The following SRR variants were observed in gnomAD, a reference collection of about 807,000 sequenced individuals.
The protein encoded by SRR is D-serine ammonia-lyase.
Under a neutral mutation model 32.7 loss-of-function variants are expected in SRR, and 19 were observed. That is an observed-to-expected ratio of 0.58 (90% CI 0.40 to 0.85). The LOEUF is 0.85. Among genes scored for constraint, SRR ranks in the 40% least tolerant of loss-of-function variants. SRR has a pLI of 0.00. For missense variants in SRR, 373 were observed against 404.7 expected (o/e 0.92, Z 0.67); for synonymous variants, 142 against 140.9 (o/e 1.01, Z -0.06).
At chr17:2,309,918 A>G (rs2075421451) in intron 1 of SRR, 1 of 152,198 alleles carries the variant, frequency 6.6e-6, no homozygotes, top group South Asian at 2.1e-4. Context: ...GTCAGCAGCC[A>G]CGTGTCAGTT....
chr17:2,306,510 A>C (rs1308496509), intron 1 of SRR, among the ~76,000 whole-genome samples: 1 of 152,134 alleles, frequency 6.6e-6, no homozygotes, highest in African/African-American at 2.4e-5. Context: ...TGAGGTCAGG[A>C]GTTCGAGACC....
chr17:2,322,489 A>C (rs889887292), intron 6 of SRR: 1 of 152,036 alleles, frequency 6.6e-6, no homozygotes, highest in Non-Finnish European at 1.5e-5. Context: ...GAAATGTATT[A>C]CTTATTGTGC....
intron 1 of SRR, 79 bp from the exon 2 acceptor site, chr17:2,315,478 T>C: frequency 7.2e-7 from 1 of 1,381,510 alleles, no homozygotes; most frequent in South Asian, 1.5e-5. Context: ...GTCTATTCTG[T>C]TACGTATTTT....
intron 4 of SRR, 87 bp from the exon 5 acceptor site, chr17:2,321,219 G>C (rs748784514): frequency 2.0e-6 from 3 of 1,500,252 alleles, no homozygotes; most frequent in Non-Finnish European, 2.7e-6. Flanking sequence ...AAAAGTAGAT[G>C]GTCAATAAAA....
intron 1 of SRR, among the ~76,000 whole-genome samples, chr17:2,313,205 G>A (rs2151431471): frequency 6.6e-6 from 1 of 152,258 alleles, no homozygotes; most frequent in South Asian, 2.1e-4. Flanking sequence ...TGAGCCAGGT[G>A]GATTGCCTGA....
rs767551917 is a variant in SRR at position 2,315,721 on chromosome 17, C to T, written c.161C>T (p.Ser54Phe). 2.5e-6 allele frequency: 4 copies of T among 1,613,432 alleles called. No homozygotes were observed. The South Asian group carries it at 4.4e-5, about 18-fold the overall frequency. ...TGTGAACTCTTCCAGAAAACAGGAT[C>T]TTTTAAGGTAACAATCCTTTTTCTC... The part of the protein sequence containing the change: ...FKCELFQKTG[S>F]FKIRGALNAV... Residue 54 changes from serine to phenylalanine, a missense_variant, in exon 2 of 8, where the codon TCT becomes TTT. Ser to Phe is a radical substitution (Grantham distance 155). Transcript: ENST00000344595.
intron 1 of SRR, 54 bp from the exon 2 acceptor site, chr17:2,315,503 T>C (rs545606615): frequency 6.5e-7 from 1 of 1,533,696 alleles, no homozygotes; most frequent in Non-Finnish European, 8.8e-7. Flanking sequence ...ATCTCTTCAA[T>C]AAACATACTG....
At chr17:2,316,770 T>C (rs1031190471) in intron 2 of SRR, among the ~76,000 whole-genome samples, 30 of 152,130 alleles carry the variant, frequency 2.0e-4, no homozygotes, top group African/African-American at 7.2e-4. Context: ...TGGAGTGCAG[T>C]GGCACGATCT....
At chr17:2,309,936 T>A (rs529640494) in intron 1 of SRR, 1 of 152,084 alleles carries the variant, frequency 6.6e-6, no homozygotes, top group Non-Finnish European at 1.5e-5. Flanking sequence ...GTTGGTTCCA[T>A]ATGGAACCAA....
rs1285152395 is a variant in SRR at position 2,321,163 on chromosome 17, ATATTT to A, written c.400-138_400-134del. 7 of 948,512 alleles carry A rather than the reference ATATTT, an allele frequency of 7.4e-6. No individual in the cohort carries two copies. The East Asian group carries it at 1.5e-4, about 20-fold the overall frequency. 58.8% of individuals were successfully genotyped at this position (948,512 alleles called of 1,614,324 possible). A position where few individuals can be genotyped will look rare whatever the true frequency, so the allele number is the denominator to read the frequency against. On this transcript the variant is annotated intron_variant, in intron 4 of 7. Coordinates refer to ENST00000344595, the MANE Select transcript of SRR (RefSeq NM_021947.3). ...CAATATAACGTGCTTGAGGGCAGGGATATTTTATTAACATATATATCTCTAGTACC... is the reference window on the plus strand; with the variant it reads ...CAATATAACGTGCTTGAGGGCAGGGATATTAACATATATATCTCTAGTACC...
At chr17:2,303,814 T>G, upstream of SRR, 3 of 969,086 alleles carry the variant, frequency 3.1e-6, no homozygotes, top group Non-Finnish European at 4.3e-6. Flanking sequence ...CTCGCCCACC[T>G]CCCGGCCTTT....
chr17:2,303,804 C>T (rs2075348253), upstream of SRR: 4 of 1,131,604 alleles, frequency 3.5e-6, no homozygotes, highest in Admixed American at 3.0e-5. Context: ...GGCGCGCGCG[C>T]TCGCCCACCT....
At chr17:2,306,890 T>A in intron 1 of SRR, 2 of 923,044 alleles carry the variant, frequency 2.2e-6, no homozygotes, top group Non-Finnish European at 3.5e-6. Flanking sequence ...GCGGACTGTG[T>A]GGTAATGAGA....
rs1455323737 is a variant in SRR, at chr17:2,318,010, C to T, written c.295+14C>T. The T allele has an allele frequency of 2.5e-6, 4 of 1,610,478 alleles. No homozygotes were observed. The highest frequency in any genetic ancestry group is 3.4e-5 in the Admixed American group (2 of 59,678). ...CCAAATTGGAAGGTACTTGATTTCT[C>T]AAGGTACTGGGTAGATCTTCAGAAA... On this transcript the variant is annotated intron_variant, in intron 3 of 7. Transcript: ENST00000344595.
At chr17:2,307,315 A>T in intron 1 of SRR, 1 of 1,064,606 alleles carries the variant, frequency 9.4e-7, no homozygotes, top group Non-Finnish European at 1.4e-6. Context: ...AAAGCAAGAG[A>T]TGGTGAGTGC....
upstream of SRR, chr17:2,303,602 C>T: frequency 7.1e-7 from 1 of 1,411,702 alleles, no homozygotes; most frequent in Non-Finnish European, 9.2e-7. Flanking sequence ...GGCGGGCAGG[C>T]CCGGCCCAGG....
In SRR at chr17:2,321,176, A is replaced by G; in HGVS notation, c.400-130A>G. The stretch of plus-strand genomic sequence containing the variant: ...TTGAGGGCAGGGATATTTTATTAAC[A>G]TATATATCTCTAGTACCTGAACAAA... On this transcript the variant is annotated intron_variant, in intron 4 of 7. Coordinates refer to ENST00000344595, the MANE Select transcript of SRR (RefSeq NM_021947.3). The G allele has an allele frequency of 4.7e-6, 5 of 1,056,514 alleles. No homozygotes were observed. In the South Asian group the frequency reaches 7.6e-5, roughly 16 times the overall value. 65.4% of individuals were successfully genotyped at this position (1,056,514 alleles called of 1,614,324 possible). A position where few individuals can be genotyped will look rare whatever the true frequency, so the allele number is the denominator to read the frequency against.
In SRR at chr17:2,318,863, A is replaced by G; in HGVS notation, c.333A>G (p.Pro111=). 6.2e-7 allele frequency: 1 copy of G among 1,613,846 alleles called. No individual in the cohort carries two copies. ...ATATTGTGGTGCCCCAGACAGCTCC[A>G]GACTGTAAAAAACTTGCAATACAAG... is the stretch of plus-strand genomic sequence containing the variant. ...PAYIVVPQTA[P]DCKKLAIQAY... is the part of the protein sequence containing the mutation. The change falls in exon 4 of 8, where the codon CCA becomes CCG. Residue 111 remains proline (P), a synonymous_variant. Coordinates refer to ENST00000344595, the MANE Select transcript of SRR (RefSeq NM_021947.3).
At chr17:2,305,562 T>C (rs2075382477) in intron 1 of SRR, among the ~76,000 whole-genome samples, 1 of 152,118 alleles carries the variant, frequency 6.6e-6, no homozygotes, top group African/African-American at 2.4e-5. Flanking sequence ...AATCAAATAG[T>C]AGAAGAAAAT....
Sources: allele counts gnomAD v4.1 joint callset (sites outside exome capture counted in the v4.1 genomes callset), GRCh38; gene constraint gnomAD v4.1.1; transcripts MANE v1.5; gene names NCBI Gene and HGNC (gene_info 2026-07-23, HGNC 2026-07-21).